The following NOL4 variants were observed in gnomAD, a reference collection of about 807,000 sequenced individuals.
NOL4 encodes the protein cancer/testis antigen 125.
Under a neutral mutation model 75.9 loss-of-function variants are expected in NOL4, and 17 were observed. The observed-to-expected ratio is 0.22, with a 90% confidence interval of 0.15 to 0.34. NOL4 has a LOEUF of 0.34. Ranked by LOEUF, NOL4 falls within the 10% of genes least tolerant of loss-of-function variation. NOL4 has a pLI of 1.00. For synonymous variants in NOL4, 292 were observed against 289.9 expected (o/e 1.01, Z -0.07); for missense variants, 614 against 793.5 (o/e 0.77, Z 2.72).
rs139406178 is a variant in NOL4, at chr18:34,133,694, A to G, written c.265-3674T>C. Among the ~76,000 whole-genome samples, 1,516 of 152,244 alleles carry G rather than the reference A, an allele frequency of 1.0e-2. 6 individuals are homozygous for G. Among genetic ancestry groups the G allele is most frequent in the Non-Finnish European group, 0.016 (1,055 of 68,022 alleles). On this transcript the variant is annotated intron_variant, in intron 1 of 10. Transcript: ENST00000261592. ...GAAATGATACCTTATGGTGATGCAGATCCACACATAGAAAGAAAGAGAACC... is the reference window on the plus strand; with the variant it reads ...GAAATGATACCTTATGGTGATGCAGGTCCACACATAGAAAGAAAGAGAACC...
intron 2 of NOL4, among the ~76,000 whole-genome samples, chr18:34,107,389 T>C (rs539769398): frequency 2.6e-5 from 4 of 152,282 alleles, no homozygotes; most frequent in South Asian, 4.1e-4. Context: ...TATTTTATCA[T>C]ATTATTCTTT....
intron 1 of NOL4, among the ~76,000 whole-genome samples, chr18:34,176,562 T>C (rs1427882246): frequency 6.6e-6 from 1 of 152,056 alleles, no homozygotes; most frequent in African/African-American, 2.4e-5. Context: ...AATATAATGG[T>C]ATTTGGAAAT....
intron 10 of NOL4, among the ~76,000 whole-genome samples, chr18:33,855,071 A>G (rs1180653488): frequency 2.0e-5 from 3 of 152,066 alleles, no homozygotes; most frequent in Non-Finnish European, 2.9e-5. Context: ...TGACATCATT[A>G]TCTTGGCTTT....
At chr18:34,040,154 T>A (rs192626338) in intron 5 of NOL4, among the ~76,000 whole-genome samples, 8 of 152,116 alleles carry the variant, frequency 5.3e-5, no homozygotes, top group Middle Eastern at 3.4e-3. Flanking sequence ...ATATTTTTAA[T>A]AAAAACGATC....
intron 1 of NOL4, among the ~76,000 whole-genome samples, chr18:34,182,258 A>G (rs865860626): frequency 2.6e-5 from 4 of 151,716 alleles, no homozygotes; most frequent in African/African-American, 9.7e-5. Context: ...ACACTATAAC[A>G]TGCCTGAAAC....
chr18:33,862,687 C>A (rs978954119), intron 10 of NOL4, among the ~76,000 whole-genome samples: 1 of 152,156 alleles, frequency 6.6e-6, no homozygotes, highest in African/African-American at 2.4e-5. Context: ...CCATCACTGG[C>A]CATCAGAGAA....
At chr18:34,069,011 A>T (rs1170278118) in intron 5 of NOL4, among the ~76,000 whole-genome samples, 2 of 152,204 alleles carry the variant, frequency 1.3e-5, no homozygotes, top group African/African-American at 4.8e-5. Context: ...AAGATACATG[A>T]AGGAAAAAAT....
At chr18:33,981,350 A>T (rs1474125395) in intron 6 of NOL4, among the ~76,000 whole-genome samples, 1 of 151,922 alleles carries the variant, frequency 6.6e-6, no homozygotes, top group African/African-American at 2.4e-5. Flanking sequence ...GAAAACACCA[A>T]ACAAGAAAAA....
At chr18:33,916,490 A>G (rs532571782) in intron 9 of NOL4, among the ~76,000 whole-genome samples, 1 of 152,290 alleles carries the variant, frequency 6.6e-6, no homozygotes, top group South Asian at 2.1e-4. Flanking sequence ...AGGTTGAAGG[A>G]AAATGGTATC....
intron 5 of NOL4, among the ~76,000 whole-genome samples, chr18:34,080,723 T>C (rs1158495254): frequency 1.3e-5 from 2 of 152,168 alleles, no homozygotes; most frequent in Admixed American, 6.5e-5. Flanking sequence ...AGTTAGGATG[T>C]GCTTTATAAA....
chr18:33,900,293 T>C (rs946779427), intron 9 of NOL4, among the ~76,000 whole-genome samples: 1 of 152,106 alleles, frequency 6.6e-6, no homozygotes, highest in Non-Finnish European at 1.5e-5. Context: ...CACTCATTAC[T>C]GTGAGGACAG....
chr18:34,009,267 C>G (rs957928637), intron 6 of NOL4, among the ~76,000 whole-genome samples: 2 of 151,722 alleles, frequency 1.3e-5, no homozygotes, highest in Non-Finnish European at 1.5e-5. Flanking sequence ...TGTGTATATT[C>G]CAGATTCCTG....
intron 5 of NOL4, among the ~76,000 whole-genome samples, chr18:34,088,532 C>G (rs544337111): frequency 1.3e-5 from 2 of 152,028 alleles, no homozygotes; most frequent in African/African-American, 4.8e-5. Context: ...TGTTAGTCCT[C>G]GAGATGCTTT....
chr18:33,868,043 CTTT>C (rs376575722), intron 10 of NOL4, among the ~76,000 whole-genome samples: 2 of 144,186 alleles, frequency 1.4e-5, no homozygotes, highest in Non-Finnish European at 1.5e-5. Flanking sequence ...GATTCTTTAT[CTTT>C]TTTTTTTTTT....
intron 2 of NOL4, among the ~76,000 whole-genome samples, chr18:34,128,424 C>T (rs1360861579): frequency 6.6e-6 from 1 of 151,896 alleles, no homozygotes; most frequent in African/African-American, 2.4e-5. Flanking sequence ...TAAGATTACA[C>T]AGTTAGTGAT....
intron 6 of NOL4, among the ~76,000 whole-genome samples, chr18:33,997,509 G>GTC (rs1568189981): frequency 2.0e-5 from 3 of 151,736 alleles, no homozygotes; most frequent in Non-Finnish European, 2.9e-5. Context: ...TAATGTGATC[G>GTC]TCTGGCTTTG....
chr18:34,207,292 T>C (rs1329011825), intron 1 of NOL4, among the ~76,000 whole-genome samples: 1 of 152,176 alleles, frequency 6.6e-6, no homozygotes, highest in East Asian at 1.9e-4. Flanking sequence ...TTGAATACTA[T>C]GTTGTGGAAC....
chr18:33,994,335 C>T (rs1600183913), intron 6 of NOL4, among the ~76,000 whole-genome samples: 1 of 152,016 alleles, frequency 6.6e-6, no homozygotes, highest in East Asian at 1.9e-4. Flanking sequence ...GAACATTCTA[C>T]CCAACAACAG....
intron 1 of NOL4, among the ~76,000 whole-genome samples, chr18:34,152,625 A>G (rs1334871799): frequency 2.0e-5 from 3 of 151,874 alleles, no homozygotes; most frequent in Non-Finnish European, 2.9e-5. Flanking sequence ...GATCACCCTT[A>G]TGGAACAAGA....
Sources: gnomAD v4.1 joint callset for allele counts (sites outside exome capture counted in the v4.1 genomes callset) on GRCh38, gnomAD v4.1.1 for gene constraint, MANE v1.5 for transcripts, NCBI Gene and HGNC (gene_info 2026-07-23, HGNC 2026-07-21) for gene names.